Variants in GPC5 observed in about 807,000 individuals in gnomAD.
GPC5 encodes glypican-5.
A neutral mutation model predicts 53.9 loss-of-function variants in GPC5; 47 were observed. That is an observed-to-expected ratio of 0.87 (90% CI 0.69 to 1.11). The LOEUF (loss-of-function observed/expected upper bound fraction) is 1.11, where lower values mean the gene tolerates loss of function less well. Among genes scored for constraint, GPC5 ranks in the 50% most tolerant of loss-of-function variants. The pLI, the probability that GPC5 is intolerant of heterozygous loss-of-function variation, is 0.00. For missense variants in GPC5, 748 were observed against 713.1 expected (o/e 1.05, Z -0.56); for synonymous variants, 286 against 263.3 (o/e 1.09, Z -0.84).
chr13:92,728,839 T>C (rs1888720611), intron 7 of GPC5, among the ~76,000 whole-genome samples: 1 of 151,392 alleles, frequency 6.6e-6, no homozygotes, highest in African/African-American at 2.4e-5. Context: ...TCTAGTTTAA[T>C]TACTCAATTT....
intron 6 of GPC5, among the ~76,000 whole-genome samples, chr13:91,965,124 C>G (rs1432159917): frequency 6.6e-6 from 1 of 151,492 alleles, no homozygotes; most frequent in Non-Finnish European, 1.5e-5. Context: ...AGGAGATATA[C>G]CTAATGTAAA....
chr13:91,803,747 A>G (rs1385204905), intron 5 of GPC5, among the ~76,000 whole-genome samples: 2 of 150,310 alleles, frequency 1.3e-5, no homozygotes, highest in African/African-American at 4.9e-5. Context: ...TAGACATTCT[A>G]GAAACATATA....
chr13:92,090,509 A>T (rs2041371446), intron 6 of GPC5, among the ~76,000 whole-genome samples: 1 of 152,150 alleles, frequency 6.6e-6, no homozygotes, highest in South Asian at 2.1e-4. Flanking sequence ...GCAGGTCCTC[A>T]CCACGTCTTA....
chr13:92,077,406 A>G (rs1049282860), intron 6 of GPC5, among the ~76,000 whole-genome samples: 2 of 152,188 alleles, frequency 1.3e-5, no homozygotes, highest in African/African-American at 2.4e-5. Context: ...TCAGCCTTGT[A>G]CTTACAGAGT....
intron 7 of GPC5, among the ~76,000 whole-genome samples, chr13:92,826,602 T>C (rs1877855324): frequency 6.6e-6 from 1 of 152,170 alleles, no homozygotes; most frequent in African/African-American, 2.4e-5. Context: ...CTGTTGGAAA[T>C]GTTTGAGAAT....
chr13:92,184,824 T>A (rs2042172739), intron 7 of GPC5, among the ~76,000 whole-genome samples: 1 of 152,146 alleles, frequency 6.6e-6, no homozygotes. Context: ...TGGTAATTAA[T>A]ATGAAACTGC....
chr13:91,642,646 G>A (rs573937245), intron 2 of GPC5, among the ~76,000 whole-genome samples: 1 of 151,632 alleles, frequency 6.6e-6, no homozygotes, highest in South Asian at 2.1e-4. Context: ...GTGAAAACCA[G>A]ATGGCAGTGG....
At chr13:91,846,298 G>C (rs1211115232) in intron 5 of GPC5, among the ~76,000 whole-genome samples, 1 of 151,764 alleles carries the variant, frequency 6.6e-6, no homozygotes, top group African/African-American at 2.4e-5. Context: ...CATGCTTTAT[G>C]TTGAAGAAAA....
At chr13:92,225,359 A>G (rs1225046012) in intron 7 of GPC5, among the ~76,000 whole-genome samples, 2 of 152,162 alleles carry the variant, frequency 1.3e-5, no homozygotes, top group Non-Finnish European at 2.9e-5. Flanking sequence ...TGGTTTCTGA[A>G]TGGCTTATGC....
At chr13:91,970,964 G>A (rs2040236186) in intron 6 of GPC5, among the ~76,000 whole-genome samples, 1 of 152,182 alleles carries the variant, frequency 6.6e-6, no homozygotes, top group Admixed American at 6.5e-5. Context: ...TTGGTATCAG[G>A]ATGATGCTGG....
chr13:91,555,626 A>G (rs761975047), intron 2 of GPC5, among the ~76,000 whole-genome samples: 1 of 152,014 alleles, frequency 6.6e-6, no homozygotes, highest in Non-Finnish European at 1.5e-5. Flanking sequence ...GACCAGCTGT[A>G]TTAGTCTGTA....
intron 2 of GPC5, among the ~76,000 whole-genome samples, chr13:91,635,038 T>C (rs1164788511): frequency 1.3e-5 from 2 of 152,132 alleles, no homozygotes; most frequent in Non-Finnish European, 2.9e-5. Context: ...GTCAGAATTT[T>C]GCAGTAGAGT....
chr13:91,905,824 G>A (rs200253746), intron 5 of GPC5, among the ~76,000 whole-genome samples: 2 of 152,106 alleles, frequency 1.3e-5, no homozygotes, highest in Non-Finnish European at 2.9e-5. Flanking sequence ...TTGCTGAAAA[G>A]TATTATGATA....
chr13:91,704,968 A>G (rs1271855672), intron 3 of GPC5, among the ~76,000 whole-genome samples: 2 of 152,152 alleles, frequency 1.3e-5, no homozygotes, highest in African/African-American at 4.8e-5. Flanking sequence ...TGGAGACCTA[A>G]TCTATCTAGA....
chr13:92,791,972 T>A (rs991658450), intron 7 of GPC5, among the ~76,000 whole-genome samples: 6 of 152,066 alleles, frequency 3.9e-5, no homozygotes, highest in African/African-American at 1.4e-4. Flanking sequence ...CAAATCAATA[T>A]CCTCATATAT....
At chr13:91,912,804 T>C (rs2039622485) in intron 6 of GPC5, among the ~76,000 whole-genome samples, 1 of 152,232 alleles carries the variant, frequency 6.6e-6, no homozygotes, top group Admixed American at 6.5e-5. Context: ...CATCTTTTTT[T>C]TCCTTGTAAT....
At chr13:91,399,475 A>G (rs931952116) in intron 1 of GPC5, among the ~76,000 whole-genome samples, 1 of 152,150 alleles carries the variant, frequency 6.6e-6, no homozygotes, top group African/African-American at 2.4e-5. Context: ...TTGGAGGATG[A>G]GTTGGAAGGA....
chr13:91,891,630 A>G (rs1219974485), intron 5 of GPC5, among the ~76,000 whole-genome samples: 1 of 152,188 alleles, frequency 6.6e-6, no homozygotes, highest in Non-Finnish European at 1.5e-5. Flanking sequence ...AAATTGCTAT[A>G]CACTACCAAA....
At chr13:91,977,270 G>C (rs559536616) in intron 6 of GPC5, among the ~76,000 whole-genome samples, 1 of 152,034 alleles carries the variant, frequency 6.6e-6, no homozygotes, top group African/African-American at 2.4e-5. Flanking sequence ...TATTTTCTTA[G>C]CTCATCATTT....
Sources: allele counts gnomAD v4.1 joint callset (sites outside exome capture counted in the v4.1 genomes callset), GRCh38; gene constraint gnomAD v4.1.1; transcripts MANE v1.5; gene names NCBI Gene and HGNC (gene_info 2026-07-23, HGNC 2026-07-21).